DCC: variants seen among roughly 807,000 people sequenced by gnomAD.
DCC encodes netrin receptor DCC.
In DCC, 58 loss-of-function variants were observed where a neutral mutation model predicts 172.5. The ratio of observed to expected loss-of-function variants is 0.34; its 90% CI spans 0.27 to 0.42. The LOEUF is 0.42. DCC is among the 10% of genes least tolerant of loss of function. The pLI is 1.00. For missense variants in DCC, 1,740 were observed against 1,791.0 expected (o/e 0.97, Z 0.51); for synonymous variants, 709 against 644.5 (o/e 1.10, Z -1.52).
At chr18:52,697,317 GT>G (rs1024118113) in intron 1 of DCC, among the ~76,000 whole-genome samples, 1 of 152,152 alleles carries the variant, frequency 6.6e-6, no homozygotes, top group African/African-American at 2.4e-5. Context: ...ATCCACAATA[GT>G]TATAAGACTC....
chr18:52,910,082 A>T (rs928372865), intron 3 of DCC, among the ~76,000 whole-genome samples: 1 of 152,246 alleles, frequency 6.6e-6, no homozygotes, highest in East Asian at 1.9e-4. Flanking sequence ...GGTAAGGAGG[A>T]TGAGGTGGAA....
At chr18:53,460,947 T>C (rs2045551547) in intron 24 of DCC, among the ~76,000 whole-genome samples, 2 of 152,280 alleles carry the variant, frequency 1.3e-5, no homozygotes, top group South Asian at 4.1e-4. Flanking sequence ...GACCTGTTGT[T>C]TCCTGACTTT....
At chr18:52,868,917 G>A (rs983147802) in intron 2 of DCC, among the ~76,000 whole-genome samples, 8 of 152,220 alleles carry the variant, frequency 5.3e-5, no homozygotes, top group Middle Eastern at 3.2e-3. Context: ...TACTCTGCAA[G>A]GCTGCAGCTG....
intron 21 of DCC, among the ~76,000 whole-genome samples, chr18:53,434,668 A>C (rs1911826591): frequency 6.6e-6 from 1 of 152,180 alleles, no homozygotes; most frequent in Non-Finnish European, 1.5e-5. Flanking sequence ...TTGACACCTA[A>C]CAAAGAGAAT....
intron 23 of DCC, among the ~76,000 whole-genome samples, chr18:53,453,202 A>C (rs2045439146): frequency 6.6e-6 from 1 of 152,134 alleles, no homozygotes; most frequent in Non-Finnish European, 1.5e-5. Context: ...GGTGTGAGCC[A>C]CCGCGCCCGG....
At chr18:53,252,515 T>A (rs1425681938) in intron 12 of DCC, among the ~76,000 whole-genome samples, 3 of 151,926 alleles carry the variant, frequency 2.0e-5, no homozygotes, top group African/African-American at 7.2e-5. Context: ...CAAAAGGCAA[T>A]TTAAGAATTT....
chr18:52,504,174 G>A (rs1261139667), intron 1 of DCC, among the ~76,000 whole-genome samples: 3 of 152,074 alleles, frequency 2.0e-5, no homozygotes, highest in Non-Finnish European at 2.9e-5. Flanking sequence ...TTGCTGGGTA[G>A]CCTGGATCAT....
intron 1 of DCC, among the ~76,000 whole-genome samples, chr18:52,574,436 AC>A (rs2033365603): frequency 6.6e-6 from 1 of 152,174 alleles, no homozygotes; most frequent in Non-Finnish European, 1.5e-5. Context: ...TTCCAGCAAC[AC>A]CCATTTTCCT....
intron 24 of DCC, among the ~76,000 whole-genome samples, chr18:53,466,456 CA>C (rs2045622219): frequency 6.6e-6 from 1 of 152,174 alleles, no homozygotes; most frequent in South Asian, 2.1e-4. Flanking sequence ...TTTGTACTTA[CA>C]GGAAATTTGA....
In DCC at chr18:52,584,456, T is replaced by C. The variant is rs78262611; in HGVS notation, c.92-167598T>C. ...AGACAGAGAGACAGGACCAAGCTGA[T>C]TGAAGCAAAGCCAACTGGCTGTTAG... On this transcript the variant is annotated intron_variant, in intron 1 of 28. Transcript: ENST00000442544. Among the ~76,000 whole-genome samples, 69 of 152,140 alleles carry C rather than the reference T, an allele frequency of 4.5e-4. No homozygotes were observed. The East Asian group carries it at 0.013, about 28-fold the overall frequency.
chr18:52,708,096 T>C (rs111890212), intron 1 of DCC, among the ~76,000 whole-genome samples: 3,381 of 152,324 alleles, frequency 0.022, 122 homozygotes, highest in African/African-American at 0.076. Context: ...CAAAACATCA[T>C]GTTGTATGCC....
chr18:53,226,934 G>GTATGTATATATATATA (rs1555734407), intron 12 of DCC, among the ~76,000 whole-genome samples: 78 of 68,134 alleles, frequency 1.1e-3, no homozygotes, highest in Admixed American at 5.0e-3. Context: ...GTGTGTGTGT[G>GTATGTATATATATATA]TATATATATA....
At position 53,323,500 on chromosome 18, in the gene DCC, C is replaced by T. The variant is rs531346243; in HGVS notation, c.2164+1343C>T. Reference sequence around the variant, plus strand: ...TTGATACAATAATAACTAAGAAACACTTGGTTCTTTTCTCATGGAGCTTGG... The same window carrying T: ...TTGATACAATAATAACTAAGAAACATTTGGTTCTTTTCTCATGGAGCTTGG... On this transcript the variant is annotated intron_variant, in intron 14 of 28. Transcript: ENST00000442544. Among the ~76,000 whole-genome samples, 12 of 152,300 alleles carry T rather than the reference C, an allele frequency of 7.9e-5. No individual in the cohort carries two copies. The East Asian group carries it at 1.7e-3, about 22-fold the overall frequency.
intron 1 of DCC, among the ~76,000 whole-genome samples, chr18:52,749,845 A>G (rs1403573932): frequency 6.6e-6 from 1 of 152,196 alleles, no homozygotes; most frequent in Admixed American, 6.5e-5. Flanking sequence ...AAAGCAATAC[A>G]TGCTTTCTAA....
chr18:53,117,658 T>C (rs183064785), intron 7 of DCC, among the ~76,000 whole-genome samples: 1 of 150,924 alleles, frequency 6.6e-6, no homozygotes, highest in Admixed American at 6.6e-5. Context: ...AATTAAAAAA[T>C]TCCTCTACAG....
At chr18:52,898,380 T>C (rs1819438044) in intron 2 of DCC, among the ~76,000 whole-genome samples, 1 of 152,176 alleles carries the variant, frequency 6.6e-6, no homozygotes, top group Admixed American at 6.5e-5. Context: ...TGGGGGTGTG[T>C]GGGTGGAGGA....
At chr18:52,722,413 G>A (rs975157775) in intron 1 of DCC, among the ~76,000 whole-genome samples, 1 of 151,998 alleles carries the variant, frequency 6.6e-6, no homozygotes, top group African/African-American at 2.4e-5. Context: ...CAGACTCCCA[G>A]TAAAGTTATA....
chr18:52,804,432 T>C (rs2038049359), intron 2 of DCC, among the ~76,000 whole-genome samples: 1 of 152,260 alleles, frequency 6.6e-6, no homozygotes, highest in Non-Finnish European at 1.5e-5. Flanking sequence ...TAGTTTCATC[T>C]ACATTGTATC....
intron 5 of DCC, among the ~76,000 whole-genome samples, chr18:52,962,848 C>G (rs147180800): frequency 2.0e-5 from 3 of 150,702 alleles, no homozygotes; most frequent in South Asian, 2.1e-4. Flanking sequence ...AGCAAACTAT[C>G]GCAAGGACAA....
Sources: gnomAD v4.1 joint callset for allele counts (sites outside exome capture counted in the v4.1 genomes callset) on GRCh38, gnomAD v4.1.1 for gene constraint, MANE v1.5 for transcripts, NCBI Gene and HGNC (gene_info 2026-07-23, HGNC 2026-07-21) for gene names.